NPLOC4: variants seen among roughly 807,000 people sequenced by gnomAD.
NPLOC4 encodes NPL4 homolog, ubiquitin recognition factor.
A neutral mutation model predicts 80.6 loss-of-function variants in NPLOC4; 18 were observed. That is an observed-to-expected ratio of 0.22 (90% CI 0.15 to 0.33). NPLOC4 has a LOEUF of 0.33. Ranked by LOEUF, NPLOC4 falls within the 10% of genes least tolerant of loss-of-function variation. NPLOC4 has a pLI of 1.00. For missense variants in NPLOC4, 540 were observed against 786.1 expected (o/e 0.69, Z 3.74); for synonymous variants, 313 against 301.5 (o/e 1.04, Z -0.39).
intron 11 of NPLOC4, among the ~76,000 whole-genome samples, chr17:81,595,540 TTTTTC>T (rs951447879): frequency 6.7e-5 from 10 of 149,158 alleles, no homozygotes; most frequent in African/African-American, 9.8e-5. Flanking sequence ...ATATATTTTT[TTTTTC>T]TTTTCTTTTC....
At chr17:81,591,985 G>A (rs2034760497) in intron 11 of NPLOC4, among the ~76,000 whole-genome samples, 1 of 152,196 alleles carries the variant, frequency 6.6e-6, no homozygotes, top group African/African-American at 2.4e-5. Flanking sequence ...CCTTCCACAG[G>A]GACCCTCAGG....
At chr17:81,626,148 CA>C (rs1159898008) in intron 2 of NPLOC4, among the ~76,000 whole-genome samples, 8,218 of 88,414 alleles carry the variant, frequency 0.093, 288 homozygotes, top group Non-Finnish European at 0.13. Context: ...GACTTCATCT[CA>C]AAAAAAAAAA....
rs903067027 is a variant in NPLOC4, at chr17:81,590,046, A to G, written c.1121-942T>C. The stretch of plus-strand genomic sequence containing the variant: ...GAGATGGGGAAGCGGGTGGGAGAAG[A>G]GCAAGACGGAAACTATTTTTAATAC... On this transcript the variant is annotated intron_variant, in intron 11 of 16. Coordinates refer to ENST00000331134, the MANE Select transcript of NPLOC4 (RefSeq NM_017921.4). 3.9e-5 allele frequency among the ~76,000 whole-genome samples: 6 copies of G among 152,256 alleles called. No individual in the cohort carries two copies. In the East Asian group the frequency reaches 1.2e-3, roughly 29 times the overall value.
chr17:81,580,106 C>G lies in NPLOC4; in HGVS notation c.1282-8018G>C, dbSNP rs2034400399. 6.6e-6 allele frequency among the ~76,000 whole-genome samples: 1 copy of G among 152,176 alleles called. No individual in the cohort carries two copies. On this transcript the variant is annotated intron_variant, in intron 12 of 16. Transcript: ENST00000331134. The surrounding 1 kb of genome is among the most constrained non-coding windows in gnomAD (Gnocchi z 4.4). ...GCCTCCCAGTGCTCTCCACCTCATT[C>G]CCCCAAGGTGGGGTTCTCCTCAGCC...
intron 12 of NPLOC4, among the ~76,000 whole-genome samples, chr17:81,578,170 T>G (rs1040143735): frequency 2.6e-5 from 4 of 152,174 alleles, no homozygotes; most frequent in Non-Finnish European, 5.9e-5. Flanking sequence ...CAGAACTCAC[T>G]TTCCATAAGT....
intron 2 of NPLOC4, among the ~76,000 whole-genome samples, chr17:81,629,068 T>C (rs1483473752): frequency 2.0e-5 from 3 of 151,950 alleles, no homozygotes; most frequent in Non-Finnish European, 2.9e-5. Flanking sequence ...TTACTAGAGA[T>C]AGGGTTTCAC....
chr17:81,594,055 C>T (rs1216451790), intron 11 of NPLOC4, among the ~76,000 whole-genome samples: 1 of 151,876 alleles, frequency 6.6e-6, no homozygotes, highest in African/African-American at 2.4e-5. Flanking sequence ...GGGCGGATCA[C>T]GAGGTCAGGA....
At position 81,608,711 on chromosome 17, in the gene NPLOC4, TA is replaced by T. The variant is rs1351835245; in HGVS notation, c.530+16del. On this transcript the variant is annotated intron_variant, in intron 6 of 16. Coordinates refer to ENST00000331134, the MANE Select transcript of NPLOC4 (RefSeq NM_017921.4). ...AAAAGGAATTTACGCACAACCAGGT[TA>T]CAGCAAGTTGCTTACTTGTCAGCCC... 46 of 1,560,300 alleles carry T rather than the reference TA, an allele frequency of 2.9e-5. No homozygotes were observed. Among genetic ancestry groups the T allele is most frequent in the Admixed American group, 7.6e-5 (4 of 52,744 alleles).
chr17:81,631,437 T>TATATATATATATATATATATATATATA (rs200897859), intron 1 of NPLOC4, among the ~76,000 whole-genome samples: 14 of 42,922 alleles, frequency 3.3e-4, no homozygotes, highest in South Asian at 1.1e-3. Context: ...TATATATATA[T>TATATATATATATATATATATATATATA]TTTTTTTTTT....
At chr17:81,608,332 G>C (rs1310646478) in intron 6 of NPLOC4, among the ~76,000 whole-genome samples, 2 of 152,262 alleles carry the variant, frequency 1.3e-5, no homozygotes, top group African/African-American at 2.4e-5. Flanking sequence ...GGGGTGGTGT[G>C]TGTGGGGACA....
intron 14 of NPLOC4, among the ~76,000 whole-genome samples, chr17:81,568,601 C>T (rs184541340): frequency 7.9e-5 from 12 of 152,286 alleles, no homozygotes; most frequent in East Asian, 3.9e-4. Flanking sequence ...ACGGGAGCCA[C>T]GCTAAGCAGC....
intron 11 of NPLOC4, among the ~76,000 whole-genome samples, chr17:81,595,241 C>A (rs1407570944): frequency 6.6e-6 from 1 of 151,442 alleles, no homozygotes; most frequent in African/African-American, 2.4e-5. Context: ...CAAGATTAGC[C>A]TGGCCAACAA....
At chr17:81,560,316 G>C (rs938440738) in intron 16 of NPLOC4, among the ~76,000 whole-genome samples, 6 of 152,164 alleles carry the variant, frequency 3.9e-5, no homozygotes, top group African/African-American at 1.4e-4. Context: ...AGGAGGCTGA[G>C]GAAGGAGAAT....
chr17:81,622,427 A>T, intron 2 of NPLOC4, 149 bp from the exon 3 acceptor site: 1 of 679,570 alleles, frequency 1.5e-6, no homozygotes, highest in Non-Finnish European at 2.6e-6. Context: ...TTGCTCTTTT[A>T]AAGAAATTTG....
intron 12 of NPLOC4, among the ~76,000 whole-genome samples, chr17:81,584,076 C>G (rs991234603): frequency 6.6e-6 from 1 of 152,152 alleles, no homozygotes; most frequent in Non-Finnish European, 1.5e-5. Flanking sequence ...TTGCCAGAGA[C>G]AACAACATGA....
At chr17:81,608,893 C>G in intron 5 of NPLOC4, 71 bp from the exon 6 acceptor site, 1 of 1,229,708 alleles carries the variant, frequency 8.1e-7, no homozygotes, top group Middle Eastern at 2.2e-4. Context: ...GCCTCTGCTA[C>G]GCACAGGGGG....
chr17:81,627,249 G>T (rs890200165), intron 2 of NPLOC4, among the ~76,000 whole-genome samples: 2 of 151,640 alleles, frequency 1.3e-5, no homozygotes, highest in African/African-American at 2.4e-5. Flanking sequence ...AACATTAGCC[G>T]GGCATGGTGG....
intron 12 of NPLOC4, among the ~76,000 whole-genome samples, chr17:81,578,125 G>A (rs370124399): frequency 6.6e-5 from 10 of 152,108 alleles, no homozygotes; most frequent in African/African-American, 2.2e-4. Flanking sequence ...CCCGCCTCCA[G>A]ACCACCCCTC....
At chr17:81,593,033 T>C (rs550080330) in intron 11 of NPLOC4, among the ~76,000 whole-genome samples, 33 of 152,176 alleles carry the variant, frequency 2.2e-4, no homozygotes, top group South Asian at 1.2e-3. Flanking sequence ...CAGAATAAAA[T>C]AGTCATTAAA....
Sources: gnomAD v4.1 joint callset for allele counts (sites outside exome capture counted in the v4.1 genomes callset) on GRCh38, gnomAD v4.1.1 for gene constraint, Gnocchi (gnomAD v3.1) non-coding constraint, MANE v1.5 for transcripts, NCBI Gene and HGNC (gene_info 2026-07-23, HGNC 2026-07-21) for gene names.